Variants in TFDP1 observed in about 807,000 individuals in gnomAD.
TFDP1 encodes transcription factor Dp-1.
Under a neutral mutation model 48.0 loss-of-function variants are expected in TFDP1, and 6 were observed. That is an observed-to-expected ratio of 0.13 (90% CI 0.07 to 0.25). TFDP1 has a LOEUF of 0.25. Among genes scored for constraint, TFDP1 ranks in the 10% least tolerant of loss-of-function variants. TFDP1 has a pLI of 1.00. For missense variants in TFDP1, 335 were observed against 543.0 expected (o/e 0.62, Z 3.81); for synonymous variants, 201 against 211.6 (o/e 0.95, Z 0.44).
chr13:113,592,396 A>T (rs2048167830), intron 2 of TFDP1, among the ~76,000 whole-genome samples: 1 of 152,210 alleles, frequency 6.6e-6, no homozygotes, highest in Non-Finnish European at 1.5e-5. Context: ...ACCTCAGGTG[A>T]TCCGCCCGCC....
rs536460151 is a variant in TFDP1 at position 113,641,006 on chromosome 13, G to T, written c.*739G>T. 6.5e-6 allele frequency: 1 copy of T among 152,714 alleles called. No individual in the cohort carries two copies. Among genetic ancestry groups the T allele is most frequent in the South Asian group, 2.1e-4 (1 of 4,824 alleles). 9.5% of individuals were successfully genotyped at this position (152,714 alleles called of 1,614,324 possible). On this transcript the variant is annotated 3_prime_UTR_variant, in exon 12 of 12. Coordinates refer to ENST00000375370, the MANE Select transcript of TFDP1 (RefSeq NM_007111.5). ...TCTGGAAGGCTTGGAATGGTTTATT[G>T]CTTATGGTAAAATTTGCCTGATTTC...
At chr13:113,585,227 C>A (rs1424959914) in intron 1 of TFDP1, 3 of 149,260 alleles carry the variant, frequency 2.0e-5, no homozygotes, top group Non-Finnish European at 4.5e-5. Context: ...GGCCGCCCCA[C>A]GGCGGCCCGC....
chr13:113,624,464 G>T (rs1234582004), intron 4 of TFDP1, among the ~76,000 whole-genome samples: 1 of 150,032 alleles, frequency 6.7e-6, no homozygotes, highest in African/African-American at 2.5e-5. Context: ...ATGTCCCCAC[G>T]TGTCTCTCAG....
At chr13:113,603,187 A>C (rs1376705828) in intron 2 of TFDP1, among the ~76,000 whole-genome samples, 2 of 152,224 alleles carry the variant, frequency 1.3e-5, no homozygotes, top group Non-Finnish European at 2.9e-5. Context: ...GTCCAGGTGT[A>C]TGCCCCACCT....
rs1013759209 is a variant in TFDP1 at position 113,607,671 on chromosome 13, C to G, written c.13-3325C>G. Among the ~76,000 whole-genome samples, 3 of 152,196 alleles carry G rather than the reference C, an allele frequency of 2.0e-5. No individual in the cohort carries two copies. Among genetic ancestry groups the G allele is most frequent in the Non-Finnish European group, 4.4e-5 (3 of 68,036 alleles). ...CCTTAGACTTCCTGGAAGGGCCGCCCGGGTCCACAACCTGGCCCGTTAACT... is the reference window on the plus strand; with the variant it reads ...CCTTAGACTTCCTGGAAGGGCCGCCGGGGTCCACAACCTGGCCCGTTAACT... On this transcript the variant is annotated intron_variant, in intron 2 of 11. Transcript: ENST00000375370. This position sits in a 1 kb window ranked among gnomAD's most constrained non-coding sequence, Gnocchi z 5.2.
chr13:113,626,900 C>T (rs750932954), intron 4 of TFDP1, among the ~76,000 whole-genome samples: 2 of 152,172 alleles, frequency 1.3e-5, no homozygotes, highest in African/African-American at 4.8e-5. Flanking sequence ...GCACCACTTT[C>T]GTCTTTACTG....
chr13:113,628,947 C>T lies in TFDP1; in HGVS notation c.187-2676C>T, dbSNP rs192089217. On this transcript the variant is annotated intron_variant, in intron 4 of 11. Transcript: ENST00000375370. ...ACTGGAAGGCGTCCTGTGGCACAGG[C>T]GGCCGGCCCGAGTTCACCGGCTTCC... 2.6e-5 allele frequency among the ~76,000 whole-genome samples: 4 copies of T among 152,332 alleles called. No homozygotes were observed. In the East Asian group the frequency reaches 7.7e-4, roughly 29 times the overall value.
intron 11 of TFDP1, among the ~76,000 whole-genome samples, chr13:113,638,824 C>T (rs2049569165): frequency 1.3e-5 from 2 of 152,064 alleles, no homozygotes; most frequent in Non-Finnish European, 2.9e-5. Flanking sequence ...CATTGTGATA[C>T]AATATATAGT....
chr13:113,610,406 G>A (rs554319645), intron 2 of TFDP1, among the ~76,000 whole-genome samples: 5 of 152,082 alleles, frequency 3.3e-5, no homozygotes, highest in South Asian at 4.1e-4. Context: ...GCCATCATAC[G>A]TGCCCCCACT....
chr13:113,636,228 A>G, intron 9 of TFDP1, 100 bp downstream of exon 9: 1 of 1,457,082 alleles, frequency 6.9e-7, no homozygotes, highest in Non-Finnish European at 9.4e-7. Flanking sequence ...AATGTTGTAC[A>G]AATAGCAAAT....
chr13:113,587,266 G>C (rs979247170), intron 2 of TFDP1, among the ~76,000 whole-genome samples: 26 of 152,156 alleles, frequency 1.7e-4, no homozygotes, highest in Non-Finnish European at 3.1e-4. Context: ...CACCTGAGAC[G>C]CAGCATTTGT....
rs150402844 is a variant in TFDP1 at position 113,600,924 on chromosome 13, G to A, written c.13-10072G>A. Among the ~76,000 whole-genome samples, 4 of 152,042 alleles carry A rather than the reference G, an allele frequency of 2.6e-5. No individual in the cohort carries two copies. The East Asian group carries it at 7.8e-4, about 30-fold the overall frequency. On this transcript the variant is annotated intron_variant, in intron 2 of 11. Transcript: ENST00000375370. ...CGTGAGAGAGAATCCTCGCACGTGG[G>A]GCTCCAGGACCATGAGACAGAAGCC...
intron 2 of TFDP1, among the ~76,000 whole-genome samples, chr13:113,603,777 T>G (rs2048497952): frequency 6.6e-6 from 1 of 152,210 alleles, no homozygotes. Flanking sequence ...GGCTTATATG[T>G]TAATGTGTTT....
chr13:113,616,708 G>T (rs1320303609), intron 3 of TFDP1, among the ~76,000 whole-genome samples: 1 of 152,132 alleles, frequency 6.6e-6, no homozygotes, highest in African/African-American at 2.4e-5. Flanking sequence ...TGTTGCTTAC[G>T]TAATTCCTCA....
chr13:113,609,904 G>GC (rs1048496305), intron 2 of TFDP1, among the ~76,000 whole-genome samples: 5 of 152,232 alleles, frequency 3.3e-5, no homozygotes, highest in African/African-American at 9.6e-5. Context: ...TGTGCTGCCA[G>GC]CACGCCACTC....
intron 4 of TFDP1, among the ~76,000 whole-genome samples, chr13:113,628,524 G>A (rs1280505114): frequency 2.0e-5 from 3 of 152,182 alleles, no homozygotes; most frequent in Non-Finnish European, 2.9e-5. Context: ...TGTCCCTGGC[G>A]CCTTTCAGCC....
intron 3 of TFDP1, among the ~76,000 whole-genome samples, chr13:113,612,639 A>G (rs368682680): frequency 2.8e-4 from 42 of 152,328 alleles, no homozygotes; most frequent in African/African-American, 9.9e-4. Flanking sequence ...GAAGTCTGTT[A>G]CTATGGTGTT....
intron 2 of TFDP1, among the ~76,000 whole-genome samples, chr13:113,606,922 C>A (rs904105643): frequency 2.6e-5 from 4 of 152,326 alleles, no homozygotes; most frequent in Middle Eastern, 3.4e-3. Context: ...TCCTGTCTTA[C>A]AGCCTCATGT....
intron 9 of TFDP1, 65 bp from the exon 10 acceptor site, chr13:113,636,469 C>T (rs939185699): frequency 7.0e-6 from 11 of 1,566,946 alleles, no homozygotes; most frequent in Non-Finnish European, 9.6e-6. Context: ...CGTCCTGGCT[C>T]CACCCCAGTG....
Sources: allele counts gnomAD v4.1 joint callset (sites outside exome capture counted in the v4.1 genomes callset), GRCh38; gene constraint gnomAD v4.1.1; non-coding constraint Gnocchi (gnomAD v3.1); transcripts MANE v1.5; gene names NCBI Gene and HGNC (gene_info 2026-07-23, HGNC 2026-07-21).